Variants in CYP24A1 observed in about 807,000 individuals in gnomAD.
CYP24A1 encodes the protein 1,25-dihydroxyvitamin D(3) 24-hydroxylase, mitochondrial.
A neutral mutation model predicts 62.4 loss-of-function variants in CYP24A1; 68 were observed. That is an observed-to-expected ratio of 1.09 (90% confidence interval 0.90 to 1.33). The LOEUF (loss-of-function observed/expected upper bound fraction) is 1.33, where lower values mean the gene tolerates loss of function less well. Ranked by LOEUF, CYP24A1 falls within the 40% of genes most tolerant of loss-of-function variation. The pLI is 0.00. For synonymous variants in CYP24A1, 267 were observed against 253.0 expected (o/e 1.06, Z -0.52); for missense variants, 787 against 653.0 (o/e 1.21, Z -2.24).
At chr20:54,149,541 GA>G (rs374525168), downstream of CYP24A1, among the ~76,000 whole-genome samples, 9 of 150,302 alleles carry the variant, frequency 6.0e-5, no homozygotes, top group African/African-American at 1.7e-4. Context: ...AGAGAGAAAG[GA>G]AAAAAAAATG....
intron 7 of CYP24A1, among the ~76,000 whole-genome samples, chr20:54,159,619 T>G (rs1214980864): frequency 3.3e-5 from 5 of 152,200 alleles, no homozygotes; most frequent in Admixed American, 6.5e-5. Flanking sequence ...GGTCTTAGAC[T>G]CTTGACCTCA....
intron 3 of CYP24A1, among the ~76,000 whole-genome samples, chr20:54,170,560 C>T (rs1323891894): frequency 6.8e-6 from 1 of 146,396 alleles, no homozygotes; most frequent in Non-Finnish European, 1.5e-5. Flanking sequence ...GAATTTGTTA[C>T]CATTAAAAAA....
Position 54,161,191 on chromosome 20 carries a change from C to G in CYP24A1, c.990+1526G>C, listed in dbSNP as rs115261380. 3.8e-3 allele frequency among the ~76,000 whole-genome samples: 579 copies of G among 152,340 alleles called. 7 individuals carry two copies. Among genetic ancestry groups the G allele is most frequent in the African/African-American group, 0.013 (553 of 41,580 alleles). On this transcript the variant is annotated intron_variant, in intron 7 of 11. Coordinates refer to ENST00000216862, the MANE Select transcript of CYP24A1 (RefSeq NM_000782.5). ...ATTTACTAGTTCTGTAGCTCCATCC[C>G]TCTTTCTGCCCCAGGGCCTTTGCAT...
At chr20:54,152,107 C>G (rs1300144123), downstream of CYP24A1, among the ~76,000 whole-genome samples, 1 of 152,210 alleles carries the variant, frequency 6.6e-6, no homozygotes, top group Non-Finnish European at 1.5e-5. Context: ...CTCCTCACAC[C>G]CATTTGCCGG....
Position 54,162,827 on chromosome 20 carries a change from A to T in CYP24A1, c.880T>A (p.Ser294Thr), listed in dbSNP as rs1450356677. 1 of 1,564,062 alleles carries T rather than the reference A, an allele frequency of 6.4e-7. No homozygotes were observed. Among genetic ancestry groups the T allele is most frequent in the Non-Finnish European group, 8.8e-7 (1 of 1,134,432 alleles). The change falls in exon 7 of 12, where the codon TCT (serine) becomes ACT (threonine). Residue 294 changes from serine to threonine, a missense_variant. Physicochemically the swap from Ser to Thr is moderately conservative, Grantham distance 58. Coordinates refer to ENST00000216862, the MANE Select transcript of CYP24A1 (RefSeq NM_000782.5). The stretch of plus-strand genomic sequence containing the variant: ...AGGAAATCTGCACTAGGCTGCTGAG[A>T]ATACTTCTCTAACCGGTTGTCGATA... ...ACIDNRLEKY[S>T]QQPSADFLCD...
downstream of CYP24A1, among the ~76,000 whole-genome samples, chr20:54,149,438 A>G (rs888630628): frequency 6.6e-6 from 1 of 152,244 alleles, no homozygotes; most frequent in Non-Finnish European, 1.5e-5. Flanking sequence ...ATTTGTGGGA[A>G]ACCAGTACAC....
intron 2 of CYP24A1, chr20:54,172,103 A>G (rs79276611): frequency 0.013 from 3,420 of 272,126 alleles, 43 homozygotes; most frequent in Admixed American, 0.019. Flanking sequence ...TTTACAAAAT[A>G]TCTCAGATTT....
chr20:54,158,707 C>A (rs562116796), intron 8 of CYP24A1, among the ~76,000 whole-genome samples: 4 of 152,222 alleles, frequency 2.6e-5, no homozygotes, highest in South Asian at 2.1e-4. Context: ...GTGCTTACAG[C>A]GTTCATTAGA....
At chr20:54,168,166 G>A (rs1267811861) in intron 4 of CYP24A1, among the ~76,000 whole-genome samples, 5 of 152,254 alleles carry the variant, frequency 3.3e-5, no homozygotes, top group South Asian at 4.2e-4. Flanking sequence ...GGCCATGTCC[G>A]GCTTAGGTGG....
chr20:54,163,566 T>A (rs1357881002), intron 6 of CYP24A1, among the ~76,000 whole-genome samples: 1 of 152,216 alleles, frequency 6.6e-6, no homozygotes, highest in African/African-American at 2.4e-5. Flanking sequence ...TTGGGAACGT[T>A]GGCTAACTTC....
chr20:54,158,810 G>T, intron 8 of CYP24A1, 147 bp downstream of exon 8: 1 of 1,406,684 alleles, frequency 7.1e-7, no homozygotes, highest in Non-Finnish European at 9.6e-7. Context: ...TGCCAGAAAA[G>T]AAATATGGCT....
In CYP24A1 at chr20:54,172,944, G is replaced by A; in HGVS notation, c.414C>T (p.Arg138=). The change falls in exon 2 of 12, where the codon CGC becomes CGT. Residue 138 remains arginine (R), a synonymous_variant. Coordinates refer to ENST00000216862, the MANE Select transcript of CYP24A1 (RefSeq NM_000782.5). The part of the protein sequence containing the change: ...RLEIKPWKAY[R]DYRKEGYGLL... ...GCCCGTAGCCTTCTTTGCGGTAGTC[G>A]CGATAGGCCTTCCACGGTTTGATCT... The A allele has an allele frequency of 1.2e-6, 2 of 1,613,708 alleles. No individual in the cohort carries two copies. Among genetic ancestry groups the A allele is most frequent in the Non-Finnish European group, 1.7e-6 (2 of 1,180,028 alleles).
At chr20:54,161,853 G>C (rs1214263400) in intron 7 of CYP24A1, among the ~76,000 whole-genome samples, 1 of 152,128 alleles carries the variant, frequency 6.6e-6, no homozygotes, top group African/African-American at 2.4e-5. Flanking sequence ...CTTTACTTCA[G>C]GCAAGAAACA....
rs761318027 is a variant in CYP24A1 at position 54,164,454 on chromosome 20, G to C, written c.842C>G (p.Ser281Ter). Residue 281 changes from serine (S) to a stop codon, truncating the protein, a stop_gained and splice_region_variant, in exon 6 of 12, where the codon TCA becomes TGA. Coordinates refer to ENST00000216862, the MANE Select transcript of CYP24A1 (RefSeq NM_000782.5). LOFTEE classifies it high-confidence loss of function. ...HTLAWDTIFK[S>*]VKACIDNRLE... is the part of the protein sequence containing the mutation. ...GGTTGTGAAGGGCGGCCCTTTACCTGATTTGAAAATGGTGTCCCAGGCCAG... is the reference window on the plus strand; with the variant it reads ...GGTTGTGAAGGGCGGCCCTTTACCTCATTTGAAAATGGTGTCCCAGGCCAG... 12 of 1,614,008 alleles carry C rather than the reference G, an allele frequency of 7.4e-6. No homozygotes were observed. Among genetic ancestry groups the C allele is most frequent in the African/African-American group, 2.7e-5 (2 of 74,908 alleles).
At position 54,173,239 on chromosome 20, in the gene CYP24A1, G is replaced by A. The variant is rs553558749; in HGVS notation, c.258+83C>T. The A allele has an allele frequency of 6.6e-7, 1 of 1,521,708 alleles. No homozygotes were observed. Among genetic ancestry groups the A allele is most frequent in the Admixed American group, 1.8e-5 (1 of 56,986 alleles). The allele number at this position is 1,521,708 out of a possible 1,614,324, so 94.3% of individuals were successfully genotyped here. ...CGCCGAAGCGCACCATGCGCCCGAG[G>A]CGCGCATGTCGGGGAGGGTTTGGAG... On this transcript the variant is annotated intron_variant, in intron 1 of 11. Coordinates refer to ENST00000216862, the MANE Select transcript of CYP24A1 (RefSeq NM_000782.5). The surrounding 1 kb of genome is among the most constrained non-coding windows in gnomAD (Gnocchi z 7.2).
the CYP24A1 span, among the ~76,000 whole-genome samples, chr20:54,148,191 T>C: frequency 1.3e-5 from 2 of 152,032 alleles, no homozygotes; most frequent in African/African-American, 2.4e-5. Flanking sequence ...TCTTTTCTTT[T>C]TTTTTTTGAG....
the CYP24A1 span, among the ~76,000 whole-genome samples, chr20:54,144,566 A>G: frequency 6.6e-6 from 1 of 151,322 alleles, no homozygotes; most frequent in African/African-American, 2.4e-5. Context: ...TAAAATTATT[A>G]GTTTGTTATA....
At position 54,167,680 on chromosome 20, in the gene CYP24A1, G is replaced by A. The variant is rs146156359; in HGVS notation, c.641-1847C>T. ...CCCAGCTGCTCAGGATGCTGAGGCA[G>A]GAGAATCGCTTGAACCCAGGAGGTG... On this transcript the variant is annotated intron_variant, in intron 4 of 11. Transcript: ENST00000216862. Among the ~76,000 whole-genome samples the A allele has an allele frequency of 8.8e-3, 1,345 of 152,252 alleles. 13 individuals carry two copies. Among genetic ancestry groups the A allele is most frequent in the Admixed American group, 0.014 (211 of 15,290 alleles).
rs773653979 is a variant in CYP24A1 at position 54,173,038 on chromosome 20, A to G, written c.320T>C (p.Val107Ala). Residue 107 changes from valine (V) to alanine (A), a missense_variant, in exon 2 of 12, where the codon GTG (valine) becomes GCG (alanine). By Grantham distance (64) the Val-to-Ala change is moderately conservative (BLOSUM62 0). Coordinates refer to ENST00000216862, the MANE Select transcript of CYP24A1 (RefSeq NM_000782.5). This position sits in a 1 kb window ranked among gnomAD's most constrained non-coding sequence, Gnocchi z 7.2. ...CAGCAGGCATGGCGAGCCCAGGTGC[A>G]CCGACTCAAAGGAACCCAACTTCAT... ...FRMKLGSFESVHLGSPCLLEA... is the reference protein window; with the variant it reads ...FRMKLGSFESAHLGSPCLLEA... The G allele has an allele frequency of 3.7e-6, 6 of 1,609,174 alleles. No individual in the cohort carries two copies. The highest frequency in any genetic ancestry group is 5.1e-6 in the Non-Finnish European group (6 of 1,180,012).
Sources: allele counts gnomAD v4.1 joint callset (sites outside exome capture counted in the v4.1 genomes callset), GRCh38; gene constraint gnomAD v4.1.1; non-coding constraint Gnocchi (gnomAD v3.1); transcripts MANE v1.5; gene names NCBI Gene and HGNC (gene_info 2026-07-23, HGNC 2026-07-21).